Variants in CLASP1 observed in about 807,000 individuals in gnomAD.
CLASP1 encodes cytoplasmic linker associated protein 1.
Under a neutral mutation model 192.3 loss-of-function variants are expected in CLASP1, and 38 were observed. The observed-to-expected ratio is 0.20, with a 90% CI of 0.15 to 0.26. CLASP1 has a LOEUF of 0.26. Among genes scored for constraint, CLASP1 ranks in the 10% least tolerant of loss-of-function variants. The pLI, the probability that CLASP1 is intolerant of heterozygous loss-of-function variation, is 1.00. For missense variants in CLASP1, 1,433 were observed against 1,932.5 expected, an observed-to-expected ratio of 0.74 and a Z score of 4.85; for synonymous variants, 691 against 712.8, an observed-to-expected ratio of 0.97 and a Z score of 0.49.
At chr2:121,629,512 C>T (rs887737474) in intron 1 of CLASP1, among the ~76,000 whole-genome samples, 8 of 152,060 alleles carry the variant, frequency 5.3e-5, no homozygotes, top group East Asian at 3.9e-4. Context: ...CAAACTAGGC[C>T]GGGAGCGGTG....
intron 24 of CLASP1, 60 bp from the exon 26 acceptor site, chr2:121,407,775 G>GT (rs1361040412): frequency 6.3e-7 from 1 of 1,593,028 alleles, no homozygotes; most frequent in Non-Finnish European, 8.6e-7. Flanking sequence ...TGAAATGACT[G>GT]TGAGTCACAC....
chr2:121,365,712 C>T (rs2067279076), intron 35 of CLASP1, among the ~76,000 whole-genome samples: 1 of 152,224 alleles, frequency 6.6e-6, no homozygotes, highest in Non-Finnish European at 1.5e-5. Flanking sequence ...TACTCTCATA[C>T]ACACATACTC....
intron 8 of CLASP1, chr2:121,470,567 T>G: frequency 2.5e-6 from 1 of 404,218 alleles, no homozygotes; most frequent in South Asian, 1.8e-5. Context: ...ATGGTACAAG[T>G]GAAACACTCT....
In CLASP1 at chr2:121,473,727, T is replaced by C. The variant is rs115643015; in HGVS notation, c.713-3767A>G. Among the ~76,000 whole-genome samples, 749 of 152,018 alleles carry C rather than the reference T, an allele frequency of 4.9e-3. 9 individuals carry two copies. The highest frequency in any genetic ancestry group is 0.017 in the African/African-American group (725 of 41,444). On this transcript the variant is annotated intron_variant, in intron 8 of 39. Transcript: ENST00000263710. ...ACAAGAGCAGCCAGGGGAAGAGACA[T>C]AGCACACAGAAGAACAAGCATAAAA...
intron 8 of CLASP1, among the ~76,000 whole-genome samples, chr2:121,471,294 AC>A (rs2090673736): frequency 6.6e-6 from 1 of 152,204 alleles, no homozygotes; most frequent in Admixed American, 6.5e-5. Flanking sequence ...GAAAAAAGAA[AC>A]ATCTTTGGAA....
intron 37 of CLASP1, among the ~76,000 whole-genome samples, chr2:121,356,917 G>C (rs1336872527): frequency 6.6e-6 from 1 of 151,290 alleles, no homozygotes; most frequent in East Asian, 1.9e-4. Context: ...GAGGGGCTGG[G>C]AGCCCAGGAG....
In CLASP1 at chr2:121,382,218, A is replaced by G. The variant is rs1489198380; in HGVS notation, c.3481T>C (p.Tyr1161His). ...CAGGTAGCTTGTTACCTGGGAGAGT[A>G]AGAGCGCCTGAGAGCCTTGTGGGAG... The change falls in exon 33 of 40, where the codon TAC (tyrosine) becomes CAC (histidine). Residue 1161 changes from tyrosine (Y) to histidine (H), a missense_variant. Around this residue, in one of 8 missense-constraint regions of CLASP1, gnomAD observed 336 missense variants for 358.0 expected, o/e 0.94. Coordinates refer to ENST00000263710, the Ensembl canonical transcript of CLASP1. The G allele has an allele frequency of 2.5e-6, 4 of 1,607,568 alleles. No homozygotes were observed. The South Asian group carries it at 4.5e-5, about 18-fold the overall frequency.
intron 37 of CLASP1, among the ~76,000 whole-genome samples, chr2:121,362,366 A>C (rs1388282674): frequency 6.6e-6 from 1 of 151,058 alleles, no homozygotes; most frequent in Non-Finnish European, 1.5e-5. Flanking sequence ...TGGACAATCC[A>C]ATAAGCAACA....
chr2:121,459,087 G>T, intron 12 of CLASP1, 112 bp from the exon 13 acceptor site: 1 of 726,376 alleles, frequency 1.4e-6, no homozygotes, highest in Non-Finnish European at 2.1e-6. Context: ...AAGGACAAGG[G>T]TCTGAGATTT....
chr2:121,536,561 A>T (rs2104928122), intron 2 of CLASP1, among the ~76,000 whole-genome samples: 1 of 152,286 alleles, frequency 6.6e-6, no homozygotes, highest in African/African-American at 2.4e-5. Flanking sequence ...GTGTTGATTG[A>T]CAGATGAATG....
chr2:121,532,040 G>A (rs1419493218), intron 2 of CLASP1, among the ~76,000 whole-genome samples: 2 of 152,142 alleles, frequency 1.3e-5, no homozygotes, highest in African/African-American at 4.8e-5. Flanking sequence ...AAACAGGACG[G>A]GGCAACAGTT....
chr2:121,593,970 T>C (rs1021829053), intron 2 of CLASP1, among the ~76,000 whole-genome samples: 7 of 149,496 alleles, frequency 4.7e-5, no homozygotes, highest in African/African-American at 1.7e-4. Flanking sequence ...ATCGCGCCAC[T>C]GCACTCCAGC....
chr2:121,347,870 C>T (rs2063655179), intron 38 of CLASP1, among the ~76,000 whole-genome samples: 2 of 152,328 alleles, frequency 1.3e-5, no homozygotes, highest in South Asian at 4.2e-4. Flanking sequence ...GCTAACTCCT[C>T]TCTACCTTTC....
In CLASP1 at chr2:121,346,765, T is replaced by C. The variant is rs556787026; in HGVS notation, c.4530+273A>G. ...AAAATCGGATGGTTTCTAATTAAAG[T>C]TGTTTTTCTTTTGGAAATAAACCAG... On this transcript the variant is annotated intron_variant, in intron 39 of 39. Transcript: ENST00000263710. Among the ~76,000 whole-genome samples the C allele has an allele frequency of 2.0e-5, 3 of 152,388 alleles. No homozygotes were observed. In the East Asian group the frequency reaches 5.8e-4, roughly 29 times the overall value.
chr2:121,545,384 C>A (rs1043391206), intron 2 of CLASP1, among the ~76,000 whole-genome samples: 3 of 151,888 alleles, frequency 2.0e-5, no homozygotes, highest in African/African-American at 7.3e-5. Flanking sequence ...GTGGGGCGGG[C>A]ACGGAGCAGA....
chr2:121,441,467 T>G (rs1436396498), intron 19 of CLASP1, among the ~76,000 whole-genome samples: 1 of 152,230 alleles, frequency 6.6e-6, no homozygotes, highest in African/African-American at 2.4e-5. Flanking sequence ...GGCTTACGCC[T>G]GTAATCCCAG....
At chr2:121,566,068 C>T (rs528401710) in intron 2 of CLASP1, among the ~76,000 whole-genome samples, 1 of 152,290 alleles carries the variant, frequency 6.6e-6, no homozygotes, top group Admixed American at 6.5e-5. Context: ...GGACCTCCAG[C>T]ACCCTTCTCA....
intron 37 of CLASP1, among the ~76,000 whole-genome samples, chr2:121,354,936 C>T (rs2149179303): frequency 6.6e-6 from 1 of 152,248 alleles, no homozygotes; most frequent in South Asian, 2.1e-4. Flanking sequence ...TTGCCGGGTT[C>T]GTGGTGAGAA....
intron 7 of CLASP1, among the ~76,000 whole-genome samples, chr2:121,512,111 A>G (rs1363923542): frequency 6.6e-6 from 1 of 152,246 alleles, no homozygotes; most frequent in Non-Finnish European, 1.5e-5. Context: ...GTTATAATGA[A>G]TCAAGTGACC....
Sources: gnomAD v4.1 joint callset for allele counts (sites outside exome capture counted in the v4.1 genomes callset) on GRCh38, gnomAD v4.1.1 for gene constraint, gnomAD v4.1.1 regional missense constraint, MANE v1.5 for transcripts, NCBI Gene and HGNC (gene_info 2026-07-23, HGNC 2026-07-21) for gene names.